Variants in AUH observed in about 807,000 individuals in gnomAD.
AUH encodes methylglutaconyl-CoA hydratase, mitochondrial.
AUH carries 29 observed loss-of-function variants against 42.3 expected under a neutral mutation model. That is an observed-to-expected ratio of 0.69 (90% confidence interval 0.51 to 0.93). AUH has a LOEUF of 0.93. AUH is among the 40% of genes least tolerant of loss of function. AUH has a pLI of 0.00. For synonymous variants in AUH, 174 were observed against 166.4 expected, an observed-to-expected ratio of 1.05 and a Z score of -0.35; for missense variants, 452 against 438.1, an observed-to-expected ratio of 1.03 and a Z score of -0.28.
intron 6 of AUH, among the ~76,000 whole-genome samples, chr9:91,264,214 T>C (rs1188906785): frequency 1.3e-5 from 2 of 152,226 alleles, no homozygotes; most frequent in East Asian, 3.8e-4. Context: ...TTTACAAATC[T>C]AATGTCATAA....
intron 6 of AUH, among the ~76,000 whole-genome samples, chr9:91,278,259 G>C (rs139774803): frequency 1.3e-5 from 2 of 152,290 alleles, no homozygotes; most frequent in Non-Finnish European, 2.9e-5. Flanking sequence ...GGGAAAGCAA[G>C]ACACACAAAT....
chr9:91,293,466 AAAG>A (rs772028460), intron 6 of AUH, among the ~76,000 whole-genome samples: 4 of 152,264 alleles, frequency 2.6e-5, no homozygotes, highest in Admixed American at 6.5e-5. Flanking sequence ...AGTGGTCCGT[AAAG>A]AAGATCAAAC....
At chr9:91,272,774 G>T (rs1825251550) in intron 6 of AUH, among the ~76,000 whole-genome samples, 1 of 152,072 alleles carries the variant, frequency 6.6e-6, no homozygotes, top group Non-Finnish European at 1.5e-5. Context: ...CAAGTATCTG[G>T]TGCATAAGCA....
chr9:91,305,846 T>C (rs1190343991), intron 4 of AUH, among the ~76,000 whole-genome samples: 1 of 152,152 alleles, frequency 6.6e-6, no homozygotes, highest in Non-Finnish European at 1.5e-5. Context: ...GTTTTGCTCT[T>C]AACCATTACT....
At chr9:91,292,701 C>T (rs188475907) in intron 6 of AUH, among the ~76,000 whole-genome samples, 51 of 152,144 alleles carry the variant, frequency 3.4e-4, no homozygotes, top group African/African-American at 1.1e-3. Context: ...GAAAATAGAT[C>T]CAAACAGTGA....
intron 6 of AUH, among the ~76,000 whole-genome samples, chr9:91,227,379 T>C (rs1309645257): frequency 4.9e-5 from 6 of 122,310 alleles, no homozygotes; most frequent in African/African-American, 1.7e-4. Context: ...ATAGGAATGC[T>C]TGTGATTTTT....
chr9:91,282,923 A>G (rs1264821267), intron 6 of AUH, among the ~76,000 whole-genome samples: 3 of 152,186 alleles, frequency 2.0e-5, no homozygotes, highest in Non-Finnish European at 4.4e-5. Flanking sequence ...AACTATTCCA[A>G]TCAACAGAAA....
At chr9:91,314,635 C>T (rs1829004871) in intron 4 of AUH, among the ~76,000 whole-genome samples, 2 of 151,698 alleles carry the variant, frequency 1.3e-5, no homozygotes, top group African/African-American at 2.4e-5. Context: ...TTCTTTTGGC[C>T]AAGGGGACCA....
chr9:91,278,143 G>T (rs896674914), intron 6 of AUH, among the ~76,000 whole-genome samples: 2 of 152,164 alleles, frequency 1.3e-5, no homozygotes, highest in Non-Finnish European at 2.9e-5. Flanking sequence ...CATGCTGCAT[G>T]AAGTAAGATC....
intron 6 of AUH, among the ~76,000 whole-genome samples, chr9:91,275,213 T>A (rs1825447711): frequency 6.6e-6 from 1 of 152,152 alleles, no homozygotes; most frequent in South Asian, 2.1e-4. Flanking sequence ...GAGAGGCAAG[T>A]CACTTTCCCA....
chr9:91,273,640 C>A (rs954065425), intron 6 of AUH, among the ~76,000 whole-genome samples: 6 of 152,156 alleles, frequency 3.9e-5, no homozygotes, highest in African/African-American at 1.4e-4. Flanking sequence ...GTATTTAAAA[C>A]CCTCTGTCTT....
chr9:91,306,563 CA>C (rs1391320968), intron 4 of AUH, among the ~76,000 whole-genome samples: 5 of 152,188 alleles, frequency 3.3e-5, no homozygotes, highest in Non-Finnish European at 7.3e-5. Context: ...TGTAGAACAG[CA>C]GGATTAGCAT....
chr9:91,270,230 G>A (rs181309919), intron 6 of AUH, among the ~76,000 whole-genome samples: 28 of 152,248 alleles, frequency 1.8e-4, no homozygotes, highest in Non-Finnish European at 2.9e-5. Context: ...GAGACCAACT[G>A]GCAACATGCA....
At chr9:91,258,637 C>T (rs1195818770) in intron 6 of AUH, among the ~76,000 whole-genome samples, 1 of 152,190 alleles carries the variant, frequency 6.6e-6, no homozygotes, top group Non-Finnish European at 1.5e-5. Context: ...GTTTACTTCC[C>T]CTTTTAGCAG....
At chr9:91,359,575 G>GT (rs1832692639) in intron 1 of AUH, among the ~76,000 whole-genome samples, 1 of 148,056 alleles carries the variant, frequency 6.8e-6, no homozygotes. Context: ...CATCTCAAAA[G>GT]AAAAAAAAAG....
intron 6 of AUH, among the ~76,000 whole-genome samples, chr9:91,283,792 A>G (rs970167156): frequency 2.0e-5 from 3 of 152,180 alleles, no homozygotes; most frequent in African/African-American, 7.2e-5. Flanking sequence ...ACTACAAACC[A>G]CTGCTCAATG....
At chr9:91,285,557 CAACAG>C (rs2131590499) in intron 6 of AUH, among the ~76,000 whole-genome samples, 1 of 147,716 alleles carries the variant, frequency 6.8e-6, no homozygotes, top group African/African-American at 2.6e-5. Context: ...TTGACTACAA[CAACAG>C]TATTATAAAG....
At position 91,257,321 on chromosome 9, in the gene AUH, G is replaced by A. The variant is rs915851478; in HGVS notation, c.656-36329C>T. ...GGCACTGCCAGAGACGAGTGGCAGTGCAAGATGGGGATCTGTAGTCAGACC... is the reference window on the plus strand; with the variant it reads ...GGCACTGCCAGAGACGAGTGGCAGTACAAGATGGGGATCTGTAGTCAGACC... On this transcript the variant is annotated intron_variant, in intron 6 of 9. Transcript: ENST00000375731. 8.6e-5 allele frequency among the ~76,000 whole-genome samples: 13 copies of A among 151,660 alleles called. 1 individual carries two copies. The highest frequency in any genetic ancestry group is 3.2e-4 in the African/African-American group (13 of 40,994).
intron 4 of AUH, among the ~76,000 whole-genome samples, chr9:91,321,182 G>A (rs1829540954): frequency 6.6e-6 from 1 of 152,044 alleles, no homozygotes; most frequent in Non-Finnish European, 1.5e-5. Flanking sequence ...CCCAGATGTG[G>A]CTATTTTTAA....
Sources: allele counts gnomAD v4.1 joint callset (sites outside exome capture counted in the v4.1 genomes callset), GRCh38; gene constraint gnomAD v4.1.1; transcripts MANE v1.5; gene names NCBI Gene and HGNC (gene_info 2026-07-23, HGNC 2026-07-21).